CCDC178: variants seen among roughly 807,000 people sequenced by gnomAD.
The protein encoded by CCDC178 is coiled-coil domain-containing protein 178.
CCDC178 carries 126 observed loss-of-function variants against 117.4 expected under a neutral mutation model. That is an observed-to-expected ratio of 1.07 (90% CI 0.93 to 1.24). The LOEUF (loss-of-function observed/expected upper bound fraction) is 1.24. Ranked by LOEUF, CCDC178 falls within the 50% of genes most tolerant of loss-of-function variation. The probability of loss-of-function intolerance (pLI) is 0.00; values close to 1 mark genes in which losing one functional copy is unlikely to be tolerated. For missense variants in CCDC178, 1,030 were observed against 986.9 expected (o/e 1.04, Z -0.59); for synonymous variants, 283 against 313.4 (o/e 0.90, Z 1.02).
At chr18:32,947,572 G>A (rs1412256739) in intron 22 of CCDC178, among the ~76,000 whole-genome samples, 1 of 152,022 alleles carries the variant, frequency 6.6e-6, no homozygotes, top group East Asian at 1.9e-4. Context: ...TAATAATTGA[G>A]TTTTGAAAGT....
chr18:33,215,822 C>T (rs1157954005), intron 18 of CCDC178, 127 bp from the exon 19 acceptor site: 2 of 643,286 alleles, frequency 3.1e-6, no homozygotes, highest in African/African-American at 3.9e-5. Flanking sequence ...CCTGATGGCT[C>T]ACTCCTGTAA....
chr18:33,383,084 T>C (rs1004173939), intron 5 of CCDC178, among the ~76,000 whole-genome samples: 1 of 152,092 alleles, frequency 6.6e-6, no homozygotes, highest in African/African-American at 2.4e-5. Flanking sequence ...ATGAGGACAG[T>C]TGGACTGGGT....
chr18:33,397,272 A>G, intron 3 of CCDC178, 64 bp from the exon 4 acceptor site: 1 of 1,061,128 alleles, frequency 9.4e-7, no homozygotes, highest in South Asian at 1.3e-5. Context: ...TCTGCCCTAT[A>G]TTGCACTAGT....
At chr18:33,382,330 A>T (rs2063447135) in intron 5 of CCDC178, among the ~76,000 whole-genome samples, 1 of 152,314 alleles carries the variant, frequency 6.6e-6, no homozygotes, top group African/African-American at 2.4e-5. Context: ...ATGTTTATAG[A>T]TTCTCACTGT....
chr18:33,204,853 C>A (rs1321319274), intron 20 of CCDC178, among the ~76,000 whole-genome samples: 5 of 151,982 alleles, frequency 3.3e-5, no homozygotes, highest in Non-Finnish European at 7.4e-5. Context: ...TAAACACTTT[C>A]TGAAAGTGGA....
rs574627352 is a variant in CCDC178 at position 32,994,265 on chromosome 18, T to A, written c.2389-19584A>T. The stretch of plus-strand genomic sequence containing the variant: ...TACTTGATTTTAGTTCTTTAACTTA[T>A]GTTACTGAACTATTTCAGAAACATA... On this transcript the variant is annotated intron_variant, in intron 21 of 22. Transcript: ENST00000383096. Among the ~76,000 whole-genome samples, 3 of 152,360 alleles carry A rather than the reference T, an allele frequency of 2.0e-5. No individual in the cohort carries two copies. The South Asian group carries it at 6.2e-4, about 32-fold the overall frequency.
chr18:33,320,018 A>T (rs1320448657), intron 11 of CCDC178, among the ~76,000 whole-genome samples: 3 of 152,222 alleles, frequency 2.0e-5, no homozygotes, highest in Admixed American at 6.5e-5. Flanking sequence ...TAGATGCAGA[A>T]AAGGCCTTTG....
chr18:32,938,252 AG>A (rs2054163757), intron 22 of CCDC178, 161 bp from the exon 23 acceptor site: 4 of 573,948 alleles, frequency 7.0e-6, no homozygotes, highest in Non-Finnish European at 1.2e-5. Flanking sequence ...ATAAACCCCA[AG>A]GAAGAGTGAT....
intron 21 of CCDC178, among the ~76,000 whole-genome samples, chr18:33,038,200 A>G (rs1197992217): frequency 6.6e-6 from 1 of 151,978 alleles, no homozygotes; most frequent in Admixed American, 6.6e-5. Context: ...CTGGAAAGTC[A>G]ACATGGTTAA....
At chr18:33,349,846 TTTAA>T (rs1383642464) in intron 7 of CCDC178, among the ~76,000 whole-genome samples, 1 of 151,856 alleles carries the variant, frequency 6.6e-6, no homozygotes, top group East Asian at 1.9e-4. Context: ...CTAATGATAT[TTTAA>T]TTCTTATAAA....
intron 2 of CCDC178, among the ~76,000 whole-genome samples, chr18:33,436,007 G>C (rs754794687): frequency 7.9e-5 from 12 of 152,098 alleles, no homozygotes; most frequent in Non-Finnish European, 1.3e-4. Context: ...GAGAAGGTTT[G>C]ATGGATACAT....
At chr18:33,064,421 C>A (rs773914156) in intron 21 of CCDC178, among the ~76,000 whole-genome samples, 1 of 152,174 alleles carries the variant, frequency 6.6e-6, no homozygotes, top group Non-Finnish European at 1.5e-5. Context: ...CCATTGAGCA[C>A]TCCAACAATA....
At chr18:33,056,621 T>C (rs777308815) in intron 21 of CCDC178, among the ~76,000 whole-genome samples, 2 of 152,178 alleles carry the variant, frequency 1.3e-5, no homozygotes, top group Admixed American at 1.3e-4. Context: ...GTTTTATCCA[T>C]GAAGAAACTG....
At chr18:33,249,161 ATAT>A in intron 14 of CCDC178, among the ~76,000 whole-genome samples, 1 of 152,082 alleles carries the variant, frequency 6.6e-6, no homozygotes, top group Non-Finnish European at 1.5e-5. Context: ...TAGATTCTGG[ATAT>A]TAGCCCTTTG....
chr18:33,416,915 T>C (rs967361715), intron 2 of CCDC178, among the ~76,000 whole-genome samples: 1 of 103,146 alleles, frequency 9.7e-6, no homozygotes, highest in South Asian at 5.3e-4. Flanking sequence ...TATCTATCTA[T>C]GAAAATGACT....
At chr18:32,988,724 C>CA (rs1287793728) in intron 21 of CCDC178, among the ~76,000 whole-genome samples, 1 of 151,748 alleles carries the variant, frequency 6.6e-6, no homozygotes, top group Non-Finnish European at 1.5e-5. Flanking sequence ...ATAAACTATG[C>CA]AAACTTCCAC....
At chr18:33,225,323 C>A (rs1028030460) in intron 16 of CCDC178, among the ~76,000 whole-genome samples, 3 of 151,882 alleles carry the variant, frequency 2.0e-5, no homozygotes, top group Non-Finnish European at 4.4e-5. Flanking sequence ...CCATGCCCGG[C>A]TAATTTTTGT....
intron 21 of CCDC178, among the ~76,000 whole-genome samples, chr18:32,989,035 T>A (rs1390455485): frequency 6.6e-6 from 1 of 152,146 alleles, no homozygotes; most frequent in African/African-American, 2.4e-5. Flanking sequence ...TTCCAAGTTT[T>A]AAAGACACAG....
In CCDC178 at chr18:33,346,355, G is replaced by A. The variant is rs772497593; in HGVS notation, c.514C>T (p.Arg172Cys). Residue 172 changes from arginine (R) to cysteine (C), a missense_variant, in exon 9 of 23, where the codon CGT becomes TGT. Transcript: ENST00000383096. ...EMETLLSEAI[R>C]LIKSLETDRA... ...TCAGTTTCTAGACTTTTAATGAGAC[G>A]AATGGCCTCTGAGAGCAATGTTTCC... 4.3e-6 allele frequency: 7 copies of A among 1,613,324 alleles called. No homozygotes were observed. The East Asian group carries it at 6.7e-5, about 15-fold the overall frequency.
Sources: gnomAD v4.1 joint callset for allele counts (sites outside exome capture counted in the v4.1 genomes callset) on GRCh38, gnomAD v4.1.1 for gene constraint, MANE v1.5 for transcripts, NCBI Gene and HGNC (gene_info 2026-07-23, HGNC 2026-07-21) for gene names.